C1orf116: variants seen among roughly 807,000 people sequenced by gnomAD.
C1orf116 encodes the protein specifically androgen-regulated gene protein.
C1orf116 carries 12 observed loss-of-function variants against 14.1 expected under a neutral mutation model. The observed-to-expected ratio is 0.85, with a 90% CI of 0.54 to 1.38. The LOEUF is 1.38. Among genes scored for constraint, C1orf116 ranks in the 40% most tolerant of loss-of-function variants. The probability of loss-of-function intolerance (pLI) is 0.00; values close to 1 mark genes in which losing one functional copy is unlikely to be tolerated. For missense variants in C1orf116, 797 were observed against 747.0 expected (o/e 1.07, Z -0.78); for synonymous variants, 296 against 299.0 (o/e 0.99, Z 0.10).
At chr1:207,023,787 G>A (rs1222221284) in intron 3 of C1orf116, among the ~76,000 whole-genome samples, 1 of 152,058 alleles carries the variant, frequency 6.6e-6, no homozygotes, top group Non-Finnish European at 1.5e-5. Context: ...GACCAACCAG[G>A]GCAACATAAG....
At chr1:207,027,718 C>T (rs1261165931) in intron 1 of C1orf116, 39 bp from the exon 2 acceptor site, 2 of 1,483,974 alleles carry the variant, frequency 1.3e-6, no homozygotes, top group East Asian at 2.5e-5. Flanking sequence ...TGAGCCGAGG[C>T]TTCGGCAAGG....
chr1:207,027,569 C>T lies in C1orf116; in HGVS notation c.30G>A (p.Gly10=), dbSNP rs1219793815. ...CACGGGTCACGGGTTCTGAGCCAGT[C>T]CCCGCTGGCCACAGCTCCCTCTCGG... MPERELWPA[G]TGSEPVTRVG... is the part of the protein sequence containing the mutation. The change falls in exon 2 of 4, where the codon GGG becomes GGA. Residue 10 remains glycine, a synonymous_variant. Coordinates refer to ENST00000359470, the MANE Select transcript of C1orf116 (RefSeq NM_023938.6). 3 of 1,613,374 alleles carry T rather than the reference C, an allele frequency of 1.9e-6. No homozygotes were observed. The highest frequency in any genetic ancestry group is 2.2e-5 in the South Asian group (2 of 91,078).
chr1:207,032,269 C>T (rs928204253), intron 1 of C1orf116, among the ~76,000 whole-genome samples: 2 of 152,204 alleles, frequency 1.3e-5, no homozygotes, highest in Admixed American at 6.5e-5. Flanking sequence ...TTCAATTGTT[C>T]AGAGATGGAA....
intron 1 of C1orf116, among the ~76,000 whole-genome samples, chr1:207,029,901 A>G (rs965070677): frequency 6.6e-6 from 1 of 152,226 alleles, no homozygotes; most frequent in African/African-American, 2.4e-5. Context: ...TGTAATTAAC[A>G]TCATATTCTC....
intron 3 of C1orf116, 90 bp downstream of exon 3, chr1:207,024,797 G>A: frequency 1.4e-6 from 2 of 1,460,214 alleles, no homozygotes; most frequent in Non-Finnish European, 1.9e-6. Flanking sequence ...GACCCTTGGG[G>A]TAGAGGGCAG....
At chr1:207,028,550 CTGT>C (rs1461590431) in intron 1 of C1orf116, among the ~76,000 whole-genome samples, 2 of 152,238 alleles carry the variant, frequency 1.3e-5, no homozygotes, top group Non-Finnish European at 2.9e-5. Context: ...TCTAGTGCCT[CTGT>C]TGTTGCACAC....
In C1orf116 at chr1:207,023,153, A is replaced by G; in HGVS notation, c.611T>C (p.Phe204Ser). Residue 204 changes from phenylalanine (F) to serine (S), a missense_variant, in exon 4 of 4, where the codon TTC becomes TCC. By Grantham distance (155) the Phe-to-Ser change is radical. Transcript: ENST00000359470. ...ACACTGCTCTGGCTGGGTGTCCCGG[A>G]AAGCTTCTGGCGGAGGGATGAGCAC... The part of the protein sequence containing the change: ...DVVLIPPPEA[F>S]RDTQPEQCRE... 1 of 1,611,772 alleles carries G rather than the reference A, an allele frequency of 6.2e-7. No homozygotes were observed. The highest frequency in any genetic ancestry group is 8.5e-7 in the Non-Finnish European group (1 of 1,178,914).
chr1:207,025,083 G>T lies in C1orf116; in HGVS notation c.106-19C>A. 1.7e-6 allele frequency: 2 copies of T among 1,162,680 alleles called. No individual in the cohort carries two copies. Among genetic ancestry groups the T allele is most frequent in the Non-Finnish European group, 1.2e-6 (1 of 816,778 alleles). 72.0% of individuals were successfully genotyped at this position (1,162,680 alleles called of 1,614,324 possible). A position where few individuals can be genotyped will look rare whatever the true frequency, so the allele number is the denominator to read the frequency against. On this transcript the variant is annotated intron_variant, in intron 2 of 3. Transcript: ENST00000359470. ...TATCACTCTGTTGGGTTTGGGGTTG[G>T]GGGCGGGGGCGGGGAGGCGGGGGGG...
At chr1:207,027,299 G>A (rs1428510970) in intron 2 of C1orf116, among the ~76,000 whole-genome samples, 195 bp downstream of exon 2, 3 of 152,138 alleles carry the variant, frequency 2.0e-5, no homozygotes, top group Admixed American at 1.3e-4. Context: ...GCTCTCTAAG[G>A]TCGTCCCATC....
chr1:207,028,256 A>G (rs1006296422), intron 1 of C1orf116, among the ~76,000 whole-genome samples: 2 of 152,236 alleles, frequency 1.3e-5, no homozygotes, highest in East Asian at 1.9e-4. Flanking sequence ...AATTGAAACA[A>G]GAGAAACAGG....
chr1:207,029,015 G>T (rs1286983689), intron 1 of C1orf116, among the ~76,000 whole-genome samples: 1 of 152,188 alleles, frequency 6.6e-6, no homozygotes, highest in African/African-American at 2.4e-5. Flanking sequence ...CTTGGGCTTT[G>T]GATGCCAGGG....
rs959576362 is a variant in C1orf116, at chr1:207,020,733, G to C, written c.*1225C>G. 1 of 152,186 alleles carries C rather than the reference G, an allele frequency of 6.6e-6. No individual in the cohort carries two copies. Among genetic ancestry groups the C allele is most frequent in the African/African-American group, 2.4e-5 (1 of 41,436 alleles). 9.4% of individuals were successfully genotyped at this position (152,186 alleles called of 1,614,324 possible). A position where few individuals can be genotyped will look rare whatever the true frequency, so the allele number is the denominator to read the frequency against. ...TATTTAATCTCTGATGCTTCAGAAG[G>C]CACTTTGAGATCTTGAAGGGCCTTA... On this transcript the variant is annotated 3_prime_UTR_variant, in exon 4 of 4. Coordinates refer to ENST00000359470, the MANE Select transcript of C1orf116 (RefSeq NM_023938.6).
In C1orf116 at chr1:207,022,155, T is replaced by A; in HGVS notation, c.1609A>T (p.Lys537Ter). 1.2e-6 allele frequency: 2 copies of A among 1,613,352 alleles called. No homozygotes were observed. Among genetic ancestry groups the A allele is most frequent in the South Asian group, 2.2e-5 (2 of 91,056 alleles). ...RPRPASLGTG[K>*]DFAGIQVGKL... ...CCTACCTGGATACCTGCAAAATCTT[T>A]CCCCGTGCCCAGGGAGGCCGGGCGG... The change falls in exon 4 of 4, where the codon AAA (lysine) becomes TAA (stop). Residue 537 changes from lysine (K) to a stop codon, truncating the protein, a stop_gained. Coordinates refer to ENST00000359470, the MANE Select transcript of C1orf116 (RefSeq NM_023938.6). LOFTEE classifies it high-confidence loss of function.
At chr1:207,027,771 C>T in intron 1 of C1orf116, 92 bp from the exon 2 acceptor site, 3 of 1,363,208 alleles carry the variant, frequency 2.2e-6, no homozygotes, top group Non-Finnish European at 2.9e-6. Flanking sequence ...GGACACCAAG[C>T]AAGCAGAGAG....
In C1orf116 at chr1:207,021,965, T is replaced by C. The variant is rs779007101; in HGVS notation, c.1799A>G (p.Lys600Arg). ...CTGTACTGGTCGCAGAGTCTACTCCTTCAACAGTCCCAGCTTCTTCAGGGC... is the reference window on the plus strand; with the variant it reads ...CTGTACTGGTCGCAGAGTCTACTCCCTCAACAGTCCCAGCTTCTTCAGGGC... ...REALKKLGLL[K>R]E is the part of the protein sequence containing the mutation. Residue 600 changes from lysine (K) to arginine (R), a missense_variant, in exon 4 of 4, where the codon AAG becomes AGG. Physicochemically the swap from Lys to Arg is conservative, Grantham distance 26 (BLOSUM62 2). Coordinates refer to ENST00000359470, the MANE Select transcript of C1orf116 (RefSeq NM_023938.6). The C allele has an allele frequency of 6.6e-7, 1 of 1,525,102 alleles. No individual in the cohort carries two copies. Among genetic ancestry groups the C allele is most frequent in the Non-Finnish European group, 8.8e-7 (1 of 1,138,456 alleles). 94.5% of individuals were successfully genotyped at this position (1,525,102 alleles called of 1,614,324 possible). A position where few individuals can be genotyped will look rare whatever the true frequency, so the allele number is the denominator to read the frequency against.
Position 207,027,671 on chromosome 1 carries a change from A to C in C1orf116, c.-73T>G. 1 of 1,580,224 alleles carries C rather than the reference A, an allele frequency of 6.3e-7. No homozygotes were observed. The highest frequency in any genetic ancestry group is 8.6e-7 in the Non-Finnish European group (1 of 1,166,396). On this transcript the variant is annotated 5_prime_UTR_variant, in exon 2 of 4. Coordinates refer to ENST00000359470, the MANE Select transcript of C1orf116 (RefSeq NM_023938.6). ...AGCGAGGGGAAGTGAACAATGTCCC[A>C]AGCCGGGCCTGAAAAGAGAAGAATC...
chr1:207,025,021 C>T lies in C1orf116; in HGVS notation c.149G>A (p.Cys50Tyr), dbSNP rs1440961816. The stretch of plus-strand genomic sequence containing the variant: ...AATGGTCTCCTCCAGGAAGAGCAGA[C>T]ACTCCTTCTCTTCAGTGGACAGGAA... ...YDFLSTEEKE[C>Y]LLFLEETIGS... The change falls in exon 3 of 4, where the codon TGT becomes TAT. Residue 50 changes from cysteine to tyrosine, a missense_variant. Coordinates refer to ENST00000359470, the MANE Select transcript of C1orf116 (RefSeq NM_023938.6). 4 of 1,594,568 alleles carry T rather than the reference C, an allele frequency of 2.5e-6. No homozygotes were observed. Among genetic ancestry groups the T allele is most frequent in the Admixed American group, 1.7e-5 (1 of 58,960 alleles).
chr1:207,024,876 G>A lies in C1orf116; in HGVS notation c.283+11C>T, dbSNP rs1206544503. 7 of 1,606,446 alleles carry A rather than the reference G, an allele frequency of 4.4e-6. No individual in the cohort carries two copies. Among genetic ancestry groups the A allele is most frequent in the Non-Finnish European group, 6.0e-6 (7 of 1,173,600 alleles). On this transcript the variant is annotated intron_variant, in intron 3 of 3. Coordinates refer to ENST00000359470, the MANE Select transcript of C1orf116 (RefSeq NM_023938.6). ...TTTTGCTGGGGTTCCACCCCAGAGG[G>A]TCTGCCTTACCCCGGGGAGTGGGTT...
In C1orf116 at chr1:207,022,931, G is replaced by A. The variant is rs753152823; in HGVS notation, c.833C>T (p.Ala278Val). The A allele has an allele frequency of 2.5e-6, 4 of 1,614,146 alleles. No individual in the cohort carries two copies. Among genetic ancestry groups the A allele is most frequent in the African/African-American group, 1.3e-5 (1 of 75,036 alleles). The change falls in exon 4 of 4, where the codon GCT (alanine) becomes GTT (valine). Residue 278 changes from alanine (A) to valine (V), a missense_variant. Ala to Val is a moderately conservative substitution (Grantham distance 64). Coordinates refer to ENST00000359470, the MANE Select transcript of C1orf116 (RefSeq NM_023938.6). ...TGGGTCCTCCCCTGATGAGAGGGGAGCATCTTCAGCTCTTGCATTCTGAGG... is the reference window on the plus strand; with the variant it reads ...TGGGTCCTCCCCTGATGAGAGGGGAACATCTTCAGCTCTTGCATTCTGAGG... Reference protein sequence around the residue: ...GLPQNARAEDAPLSSGEDPNS... With the variant: ...GLPQNARAEDVPLSSGEDPNS...
Sources: gnomAD v4.1 joint callset for allele counts (sites outside exome capture counted in the v4.1 genomes callset) on GRCh38, gnomAD v4.1.1 for gene constraint, MANE v1.5 for transcripts, NCBI Gene and HGNC (gene_info 2026-07-23, HGNC 2026-07-21) for gene names.